The following ZNF536 variants were observed in gnomAD, a reference collection of about 807,000 sequenced individuals.
ZNF536 encodes zinc finger protein 536.
ZNF536 carries 13 observed loss-of-function variants against 84.5 expected under a neutral mutation model. The ratio of observed to expected loss-of-function variants is 0.15; its 90% CI spans 0.10 to 0.24. The LOEUF (loss-of-function observed/expected upper bound fraction) is 0.24. Ranked by LOEUF, ZNF536 falls within the 10% of genes least tolerant of loss-of-function variation. The probability of loss-of-function intolerance (pLI) is 1.00; values close to 1 mark genes in which losing one functional copy is unlikely to be tolerated. For synonymous variants in ZNF536, 811 were observed against 742.5 expected (o/e 1.09, Z -1.50); for missense variants, 1,536 against 1,747.5 (o/e 0.88, Z 2.16).
rs563763098 is a variant in ZNF536, at chr19:30,363,345, C to T, written c.-3+10861C>T. ...GCTGTTGTGACCCCTTGAGTTTTCT[C>T]AGGAGGCAGCCTATCACCAGGGCTG... On this transcript the variant is annotated intron_variant, in intron 3 of 5. Transcript: ENST00000585628. Among the ~76,000 whole-genome samples, 5 of 152,276 alleles carry T rather than the reference C, an allele frequency of 3.3e-5. No individual in the cohort carries two copies. The East Asian group carries it at 9.7e-4, about 29-fold the overall frequency.
chr19:30,669,758 A>G (rs754036090), intron 1 of ZNF536, among the ~76,000 whole-genome samples: 2 of 152,362 alleles, frequency 1.3e-5, no homozygotes, highest in Admixed American at 1.3e-4. Flanking sequence ...GTTCGGAGCA[A>G]GTATGGAAAT....
chr19:30,294,670 C>A (rs186321863), intron 2 of ZNF536, among the ~76,000 whole-genome samples: 30 of 151,992 alleles, frequency 2.0e-4, no homozygotes, highest in Admixed American at 1.8e-3. Flanking sequence ...CAGTGGGTGG[C>A]CAATGCCCCC....
downstream of ZNF536, among the ~76,000 whole-genome samples, chr19:30,561,053 C>T (rs1217225223): frequency 6.6e-6 from 1 of 152,206 alleles, no homozygotes; most frequent in Non-Finnish European, 1.5e-5. Context: ...TCCAGACACA[C>T]CCATCTAATG....
chr19:30,364,599 T>A (rs1215256035), intron 3 of ZNF536, among the ~76,000 whole-genome samples: 1 of 152,186 alleles, frequency 6.6e-6, no homozygotes, highest in Non-Finnish European at 1.5e-5. Context: ...AGGCTTATAG[T>A]GACTGCAGGA....
intron 1 of ZNF536, among the ~76,000 whole-genome samples, chr19:30,655,604 G>A (rs2049879373): frequency 6.6e-6 from 1 of 152,240 alleles, no homozygotes; most frequent in African/African-American, 2.4e-5. Context: ...GAATGAGGTT[G>A]GGGAATAGGG....
intron 2 of ZNF536, among the ~76,000 whole-genome samples, chr19:30,498,477 G>GCTAATGAAT (rs2054812425): frequency 6.6e-6 from 1 of 152,084 alleles, no homozygotes; most frequent in African/African-American, 2.4e-5. Context: ...AGGAAAAATA[G>GCTAATGAAT]CTAATGAATA....
intron 1 of ZNF536, among the ~76,000 whole-genome samples, chr19:30,245,675 A>G (rs1183099260): frequency 1.3e-5 from 2 of 152,336 alleles, no homozygotes; most frequent in Non-Finnish European, 2.9e-5. Flanking sequence ...TCTATTGAAA[A>G]TATATTAGCG....
At chr19:30,321,339 T>C (rs1276179839) in intron 2 of ZNF536, among the ~76,000 whole-genome samples, 1 of 152,160 alleles carries the variant, frequency 6.6e-6, no homozygotes, top group Non-Finnish European at 1.5e-5. Context: ...GGAGGATCAC[T>C]TGAAGTCAGG....
In ZNF536 at chr19:30,280,304, CT is replaced by C. The variant is rs1219880134; in HGVS notation, c.-189-3767del. 5.3e-5 allele frequency among the ~76,000 whole-genome samples: 8 copies of C among 151,926 alleles called. No individual in the cohort carries two copies. In the East Asian group the frequency reaches 1.4e-3, roughly 26 times the overall value. On this transcript the variant is annotated intron_variant, in intron 1 of 5. Coordinates refer to the ZNF536 transcript ENST00000585628. Reference sequence around the variant, plus strand: ...CATTTTTGCATCCATCTTCATCCTTCTCTCCTTCTCTCCTCCCTCTCTACTC... The same window carrying C: ...CATTTTTGCATCCATCTTCATCCTTCCTCCTTCTCTCCTCCCTCTCTACTC...
intron 1 of ZNF536, among the ~76,000 whole-genome samples, chr19:30,271,243 G>T (rs1178181966): frequency 6.6e-6 from 1 of 150,942 alleles, no homozygotes; most frequent in East Asian, 2.0e-4. Context: ...ACCCTGTACT[G>T]AGCACTGCTT....
chr19:30,537,270 C>T (rs981903188), intron 3 of ZNF536, among the ~76,000 whole-genome samples: 1 of 152,154 alleles, frequency 6.6e-6, no homozygotes, highest in African/African-American at 2.4e-5. Flanking sequence ...TGCCAATGTC[C>T]ATTTTCCTCC....
intron 2 of ZNF536, among the ~76,000 whole-genome samples, chr19:30,524,059 T>C (rs1241558761): frequency 6.6e-6 from 1 of 152,164 alleles, no homozygotes; most frequent in African/African-American, 2.4e-5. Flanking sequence ...GGCCAGCCAA[T>C]CCGACGGCGG....
intron 1 of ZNF536, among the ~76,000 whole-genome samples, chr19:30,247,721 T>C (rs4239560): frequency 0.56 from 84,384 of 151,950 alleles, 25,237 homozygotes; most frequent in East Asian, 0.83. Context: ...CCCAGCTACT[T>C]GGGAGACTGA....
At chr19:30,322,061 A>G (rs1282036378) in intron 2 of ZNF536, among the ~76,000 whole-genome samples, 1 of 152,164 alleles carries the variant, frequency 6.6e-6, no homozygotes, top group Non-Finnish European at 1.5e-5. Flanking sequence ...GGCGTGAGCC[A>G]CCATGTCTGG....
intron 2 of ZNF536, among the ~76,000 whole-genome samples, chr19:30,530,025 G>C (rs1160389873): frequency 3.9e-5 from 6 of 152,218 alleles, no homozygotes; most frequent in Non-Finnish European, 7.3e-5. Flanking sequence ...CATTAGGCAA[G>C]AGAGGGCCTC....
At chr19:30,299,974 C>G (rs1040138452) in intron 2 of ZNF536, among the ~76,000 whole-genome samples, 1 of 152,148 alleles carries the variant, frequency 6.6e-6, no homozygotes, top group African/African-American at 2.4e-5. Context: ...TCTCGATGCA[C>G]AGTTTAGGAT....
chr19:30,633,600 G>A (rs1157286698), intron 1 of ZNF536, among the ~76,000 whole-genome samples: 4 of 152,128 alleles, frequency 2.6e-5, no homozygotes, highest in Admixed American at 6.6e-5. Context: ...TTGCTTCAGA[G>A]TCCACATTTA....
At chr19:30,357,748 C>G (rs2048145090) in intron 3 of ZNF536, among the ~76,000 whole-genome samples, 1 of 151,990 alleles carries the variant, frequency 6.6e-6, no homozygotes, top group East Asian at 2.0e-4. Flanking sequence ...GCCTGAGCCT[C>G]CCAGCTGTGG....
chr19:30,705,291 A>G (rs1377107466), intron 1 of ZNF536, among the ~76,000 whole-genome samples: 1 of 151,356 alleles, frequency 6.6e-6, no homozygotes, highest in Non-Finnish European at 1.5e-5. Context: ...GGAGCCTTTC[A>G]GCAAACAACT....
Sources: gnomAD v4.1 joint callset for allele counts (sites outside exome capture counted in the v4.1 genomes callset) on GRCh38, gnomAD v4.1.1 for gene constraint, MANE v1.5 for transcripts, NCBI Gene and HGNC (gene_info 2026-07-23, HGNC 2026-07-21) for gene names.